The following PTPN4 variants were observed in gnomAD, a reference collection of about 807,000 sequenced individuals.
The protein encoded by PTPN4 is protein tyrosine phosphatase non-receptor type 4.
PTPN4 carries 49 observed loss-of-function variants against 135.5 expected under a neutral mutation model. The observed-to-expected ratio is 0.36, with a 90% CI of 0.29 to 0.46. PTPN4 has a LOEUF of 0.46. Ranked by LOEUF, PTPN4 falls within the 20% of genes least tolerant of loss-of-function variation. PTPN4 has a pLI of 1.00. For synonymous variants in PTPN4, 333 were observed against 369.9 expected, an observed-to-expected ratio of 0.90 and a Z score of 1.14; for missense variants, 860 against 1,101.0, an observed-to-expected ratio of 0.78 and a Z score of 3.10.
intron 1 of PTPN4, among the ~76,000 whole-genome samples, chr2:119,787,688 C>T (rs1057360243): frequency 4.6e-5 from 7 of 152,118 alleles, no homozygotes; most frequent in Non-Finnish European, 7.4e-5. Flanking sequence ...GTGTCTGGCT[C>T]ATTAGGTCTT....
intron 14 of PTPN4, among the ~76,000 whole-genome samples, chr2:119,932,808 CAGTTAAG>C (rs1458039166): frequency 2.6e-5 from 4 of 152,162 alleles, no homozygotes; most frequent in African/African-American, 9.7e-5. Context: ...TTAACTTTCG[CAGTTAAG>C]AGTCCCTGAT....
At chr2:119,831,931 C>T (rs1020390355) in intron 2 of PTPN4, among the ~76,000 whole-genome samples, 10 of 152,148 alleles carry the variant, frequency 6.6e-5, no homozygotes, top group South Asian at 2.1e-4. Context: ...TTTCTGACTA[C>T]GTCATAGTAA....
At chr2:119,962,193 A>G (rs1679375568) in intron 23 of PTPN4, among the ~76,000 whole-genome samples, 1 of 152,154 alleles carries the variant, frequency 6.6e-6, no homozygotes, top group African/African-American at 2.4e-5. Flanking sequence ...AGTGGCTCAC[A>G]CCTGTAATCC....
chr2:119,779,350 G>A (rs1475535116), intron 1 of PTPN4, among the ~76,000 whole-genome samples: 1 of 152,202 alleles, frequency 6.6e-6, no homozygotes, highest in East Asian at 1.9e-4. Context: ...GGGCGCGGTG[G>A]CTCACGCCTG....
rs538176015 is a variant in PTPN4 at position 119,967,628 on chromosome 2, G to A, written c.2559-209G>A. ...TTAAAATAGTATTTTTCCAACTAAC[G>A]TGGTAGATGGAAGATACAGAACAAG... On this transcript the variant is annotated intron_variant, in intron 25 of 26. Coordinates refer to ENST00000263708, the MANE Select transcript of PTPN4 (RefSeq NM_002830.4). Among the ~76,000 whole-genome samples, 110 of 152,078 alleles carry A rather than the reference G, an allele frequency of 7.2e-4. 1 individual carries two copies. The highest frequency in any genetic ancestry group is 2.6e-3 in the African/African-American group (106 of 41,500).
At chr2:119,809,335 G>A (rs1691536982) in intron 1 of PTPN4, among the ~76,000 whole-genome samples, 1 of 150,346 alleles carries the variant, frequency 6.7e-6, no homozygotes, top group African/African-American at 2.4e-5. Flanking sequence ...CTATTAGGTT[G>A]AATTTTGAGG....
rs999976120 is a variant in PTPN4 at position 119,937,698 on chromosome 2, T to C, written c.1355+2740T>C. Among the ~76,000 whole-genome samples, 6 of 152,206 alleles carry C rather than the reference T, an allele frequency of 3.9e-5. No homozygotes were observed. The South Asian group carries it at 1.2e-3, about 31-fold the overall frequency. ...ACAAACTTTTGCTACTATGTGACAATATATTGCTCTGCTACCAGCATAGTA... is the reference window on the plus strand; with the variant it reads ...ACAAACTTTTGCTACTATGTGACAACATATTGCTCTGCTACCAGCATAGTA... On this transcript the variant is annotated intron_variant, in intron 15 of 26. Transcript: ENST00000263708.
chr2:119,864,997 C>G (rs1677812365), intron 3 of PTPN4, among the ~76,000 whole-genome samples: 1 of 152,056 alleles, frequency 6.6e-6, no homozygotes, highest in South Asian at 2.1e-4. Flanking sequence ...AGACATTATC[C>G]CAATCCAAAG....
intron 12 of PTPN4, among the ~76,000 whole-genome samples, chr2:119,922,316 A>G (rs969426365): frequency 6.6e-6 from 1 of 152,052 alleles, no homozygotes; most frequent in Admixed American, 6.6e-5. Flanking sequence ...CCTAGTATTG[A>G]CAAATTTTAC....
intron 1 of PTPN4, among the ~76,000 whole-genome samples, chr2:119,779,616 C>CAA (rs547628386): frequency 1.4e-3 from 86 of 60,106 alleles, no homozygotes; most frequent in Middle Eastern, 0.017. Context: ...GACTCCGTCT[C>CAA]AAAAAAAAAA....
chr2:119,814,800 TTAAAAAA>T (rs1676963133), intron 2 of PTPN4, among the ~76,000 whole-genome samples: 1 of 152,124 alleles, frequency 6.6e-6, no homozygotes, highest in Non-Finnish European at 1.5e-5. Context: ...ATACCAAACT[TTAAAAAA>T]TAAAATCAGA....
intron 15 of PTPN4, among the ~76,000 whole-genome samples, chr2:119,940,219 G>A (rs1023046340): frequency 6.6e-6 from 1 of 152,146 alleles, no homozygotes; most frequent in Non-Finnish European, 1.5e-5. Flanking sequence ...TTTTTAAAGT[G>A]CCTTGTGCGT....
intron 1 of PTPN4, among the ~76,000 whole-genome samples, chr2:119,770,779 G>C (rs1574324399): frequency 6.6e-6 from 1 of 151,504 alleles, no homozygotes; most frequent in Admixed American, 6.6e-5. Flanking sequence ...TTTTACTTGT[G>C]TAACCCATTT....
intron 25 of PTPN4, among the ~76,000 whole-genome samples, chr2:119,967,416 T>C (rs1679461151): frequency 6.6e-6 from 1 of 151,896 alleles, no homozygotes; most frequent in African/African-American, 2.4e-5. Context: ...ACCACTGCAC[T>C]CCAGCCTGGG....
intron 9 of PTPN4, among the ~76,000 whole-genome samples, chr2:119,893,794 G>A (rs1678276883): frequency 6.6e-6 from 1 of 152,046 alleles, no homozygotes; most frequent in South Asian, 2.1e-4. Flanking sequence ...ATGCTGTTAG[G>A]TCAAATAAAA....
rs1035344639 is a variant in PTPN4 at position 119,815,923 on chromosome 2, A to G, written c.138+5932A>G. Among the ~76,000 whole-genome samples, 8 of 152,350 alleles carry G rather than the reference A, an allele frequency of 5.3e-5. No individual in the cohort carries two copies. The East Asian group carries it at 1.3e-3, about 26-fold the overall frequency. ...TATAACTCAATGAATTATTTTATGT[A>G]TACACCTGTGCAGTACCACCAGATT... On this transcript the variant is annotated intron_variant, in intron 2 of 26. Transcript: ENST00000263708.
chr2:119,782,765 G>A (rs1690966159), intron 1 of PTPN4, among the ~76,000 whole-genome samples: 1 of 131,164 alleles, frequency 7.6e-6, no homozygotes, highest in Non-Finnish European at 1.5e-5. Context: ...GAGATCAGTG[G>A]TATGATGATG....
rs1160598086 is a variant in PTPN4, at chr2:119,977,407, G to A, written c.*337G>A. The A allele has an allele frequency of 1.6e-5, 3 of 189,054 alleles. No homozygotes were observed. Among genetic ancestry groups the A allele is most frequent in the Non-Finnish European group, 3.2e-5 (3 of 94,024 alleles). 11.7% of individuals were successfully genotyped at this position (189,054 alleles called of 1,614,324 possible). Reference sequence around the variant, plus strand: ...AAGGCTCAAAATTCTCATCATCTCTGTTATACACCTGTATCATGAAAGCAA... The same window carrying A: ...AAGGCTCAAAATTCTCATCATCTCTATTATACACCTGTATCATGAAAGCAA... On this transcript the variant is annotated 3_prime_UTR_variant, in exon 27 of 27. Coordinates refer to ENST00000263708, the MANE Select transcript of PTPN4 (RefSeq NM_002830.4).
At chr2:119,913,283 T>A (rs1277437432) in intron 10 of PTPN4, among the ~76,000 whole-genome samples, 1 of 152,184 alleles carries the variant, frequency 6.6e-6, no homozygotes, top group Non-Finnish European at 1.5e-5. Context: ...TGCATCATTT[T>A]ACGTTCCCAC....
Sources: allele counts gnomAD v4.1 joint callset (sites outside exome capture counted in the v4.1 genomes callset), GRCh38; gene constraint gnomAD v4.1.1; transcripts MANE v1.5; gene names NCBI Gene and HGNC (gene_info 2026-07-23, HGNC 2026-07-21).